The following CCDC146 variants were observed in gnomAD, a reference collection of about 807,000 sequenced individuals.
CCDC146 encodes the protein coiled-coil domain-containing protein 146.
A neutral mutation model predicts 119.3 loss-of-function variants in CCDC146; 92 were observed. The observed-to-expected ratio is 0.77, with a 90% CI of 0.65 to 0.92. The LOEUF (loss-of-function observed/expected upper bound fraction) is 0.92. CCDC146 is among the 40% of genes least tolerant of loss of function. CCDC146 has a pLI of 0.00. For missense variants in CCDC146, 1,000 were observed against 1,103.0 expected (o/e 0.91, Z 1.32); for synonymous variants, 372 against 371.8 (o/e 1.00, Z -0.01).
At chr7:77,177,084 C>T (rs147579764) in intron 2 of CCDC146, among the ~76,000 whole-genome samples, 1 of 152,234 alleles carries the variant, frequency 6.6e-6, no homozygotes, top group African/African-American at 2.4e-5. Flanking sequence ...GATCTACCCA[C>T]CTCGGCCTCT....
intron 1 of CCDC146, among the ~76,000 whole-genome samples, chr7:77,123,925 T>A (rs1790660326): frequency 6.6e-6 from 1 of 152,244 alleles, no homozygotes; most frequent in South Asian, 2.1e-4. Context: ...TCTTTTCTTG[T>A]CTTTGTGTTT....
chr7:77,179,822 A>G (rs1380740573), intron 2 of CCDC146, among the ~76,000 whole-genome samples: 1 of 152,178 alleles, frequency 6.6e-6, no homozygotes, highest in Non-Finnish European at 1.5e-5. Flanking sequence ...TTTTTCATAT[A>G]CAAAACTGAA....
chr7:77,185,344 T>C (rs944977501), intron 2 of CCDC146, among the ~76,000 whole-genome samples: 2 of 152,126 alleles, frequency 1.3e-5, no homozygotes, highest in African/African-American at 2.4e-5. Flanking sequence ...GCAAATAATT[T>C]TGTGGACCGT....
At chr7:77,198,829 C>T in intron 2 of CCDC146, 1 of 293,018 alleles carries the variant, frequency 3.4e-6, no homozygotes, top group Non-Finnish European at 6.3e-6. Flanking sequence ...CAATTGTGAA[C>T]ATCGCCTTAT....
intron 2 of CCDC146, among the ~76,000 whole-genome samples, chr7:77,201,895 G>T (rs952258208): frequency 6.6e-6 from 1 of 150,872 alleles, no homozygotes; most frequent in Non-Finnish European, 1.5e-5. Flanking sequence ...TTAAAAAGGA[G>T]ACATGATGAC....
intron 3 of CCDC146, among the ~76,000 whole-genome samples, chr7:77,240,538 A>G (rs1412580001): frequency 5.3e-5 from 8 of 152,244 alleles, no homozygotes; most frequent in African/African-American, 1.9e-4. Context: ...TTTCTAGATT[A>G]CTTGTGATAC....
At chr7:77,157,918 TG>T (rs1333866431) in intron 1 of CCDC146, among the ~76,000 whole-genome samples, 1 of 152,218 alleles carries the variant, frequency 6.6e-6, no homozygotes, top group Non-Finnish European at 1.5e-5. Flanking sequence ...TTGCTCACCA[TG>T]GTACCTATCT....
At position 77,295,063 on chromosome 7, in the gene CCDC146, G is replaced by A. The variant is rs1427092136; in HGVS notation, c.*197G>A. On this transcript the variant is annotated 3_prime_UTR_variant, in exon 19 of 19. Transcript: ENST00000285871. ...CTTTCATGACGTTGAATGGGACATA[G>A]AACTGTCCTACATTTATGTCAAAGT... is the stretch of plus-strand genomic sequence containing the variant. 15 of 571,928 alleles carry A rather than the reference G, an allele frequency of 2.6e-5. No homozygotes were observed. The highest frequency in any genetic ancestry group is 6.5e-5 in the South Asian group (3 of 46,186). The allele number at this position is 571,928 out of a possible 1,614,324, so 35.4% of individuals were successfully genotyped here.
chr7:77,147,153 A>G (rs1259962957), intron 1 of CCDC146, among the ~76,000 whole-genome samples: 1 of 152,026 alleles, frequency 6.6e-6, no homozygotes, highest in East Asian at 1.9e-4. Context: ...ACTTCATTTC[A>G]TTCATTTGAT....
chr7:77,224,164 T>G (rs1381368922), intron 2 of CCDC146, among the ~76,000 whole-genome samples: 1 of 152,212 alleles, frequency 6.6e-6, no homozygotes, highest in Non-Finnish European at 1.5e-5. Flanking sequence ...ATTTATCATC[T>G]AATAATTCTG....
chr7:77,144,717 A>C (rs1307162770), intron 1 of CCDC146, among the ~76,000 whole-genome samples: 1 of 151,778 alleles, frequency 6.6e-6, no homozygotes, highest in African/African-American at 2.4e-5. Flanking sequence ...GTTGGATTAC[A>C]TTTATTGATT....
intron 1 of CCDC146, among the ~76,000 whole-genome samples, chr7:77,134,559 G>C (rs1156304856): frequency 0.01 from 1,274 of 124,134 alleles, 19 homozygotes; most frequent in African/African-American, 0.045. Context: ...GTGTGTGTGT[G>C]TGTCTGTGTG....
intron 2 of CCDC146, among the ~76,000 whole-genome samples, chr7:77,220,459 C>A (rs75902449): frequency 6.6e-6 from 1 of 152,150 alleles, no homozygotes; most frequent in Admixed American, 6.5e-5. Flanking sequence ...TGACATACAT[C>A]CTCAGCTTAC....
chr7:77,291,178 G>C (rs1282633621), intron 17 of CCDC146, among the ~76,000 whole-genome samples: 1 of 152,118 alleles, frequency 6.6e-6, no homozygotes, highest in Non-Finnish European at 1.5e-5. Context: ...GACATGATGT[G>C]AACAAAAAAT....
chr7:77,226,769 G>C (rs1792522916), intron 2 of CCDC146, among the ~76,000 whole-genome samples: 1 of 152,076 alleles, frequency 6.6e-6, no homozygotes, highest in Admixed American at 6.6e-5. Flanking sequence ...TGACAAACTT[G>C]AGTTCTGCAC....
intron 2 of CCDC146, among the ~76,000 whole-genome samples, chr7:77,187,708 C>T (rs1251176834): frequency 1.3e-5 from 2 of 152,114 alleles, no homozygotes; most frequent in South Asian, 2.1e-4. Context: ...TACAGTGCAC[C>T]AGGGAGACTA....
chr7:77,147,427 T>A (rs11973252), intron 1 of CCDC146, among the ~76,000 whole-genome samples: 4 of 152,254 alleles, frequency 2.6e-5, no homozygotes, highest in Non-Finnish European at 5.9e-5. Context: ...GTCATTCTCC[T>A]TCCAGCTTTG....
chr7:77,276,942 G>T (rs764173122), intron 11 of CCDC146, among the ~76,000 whole-genome samples: 2 of 152,116 alleles, frequency 1.3e-5, no homozygotes, highest in South Asian at 2.1e-4. Context: ...CGTGGTGGTG[G>T]GCACCTGTAA....
chr7:77,198,823 T>C (rs1791924008), intron 2 of CCDC146: 1 of 282,326 alleles, frequency 3.5e-6, no homozygotes, highest in Non-Finnish European at 6.6e-6. Flanking sequence ...AAGGCACAAT[T>C]GTGAACATCG....
Sources: allele counts gnomAD v4.1 joint callset (sites outside exome capture counted in the v4.1 genomes callset), GRCh38; gene constraint gnomAD v4.1.1; transcripts MANE v1.5; gene names NCBI Gene and HGNC (gene_info 2026-07-23, HGNC 2026-07-21).